TNR: variants seen among roughly 807,000 people sequenced by gnomAD.
TNR encodes the protein tenascin-R.
A neutral mutation model predicts 150.4 loss-of-function variants in TNR; 45 were observed. The observed-to-expected ratio is 0.30, with a 90% CI of 0.24 to 0.38. The LOEUF is 0.38. Ranked by LOEUF, TNR falls within the 10% of genes least tolerant of loss-of-function variation. The pLI, the probability that TNR is intolerant of heterozygous loss-of-function variation, is 1.00. For missense variants in TNR, 1,544 were observed against 1,759.1 expected (o/e 0.88, Z 2.19); for synonymous variants, 687 against 678.4 (o/e 1.01, Z -0.20).
chr1:175,446,460 A>G (rs1458382173), intron 2 of TNR, among the ~76,000 whole-genome samples: 1 of 152,198 alleles, frequency 6.6e-6, no homozygotes, highest in Non-Finnish European at 1.5e-5. Flanking sequence ...TATGGGTGAC[A>G]TAGTCTAATT....
At chr1:175,614,494 G>A (rs951762347) in intron 1 of TNR, among the ~76,000 whole-genome samples, 3 of 152,158 alleles carry the variant, frequency 2.0e-5, no homozygotes, top group African/African-American at 7.2e-5. Flanking sequence ...CCACCTTCTT[G>A]GCAGAATGTC....
At chr1:175,640,386 AT>A (rs904411650) in intron 1 of TNR, among the ~76,000 whole-genome samples, 2 of 152,190 alleles carry the variant, frequency 1.3e-5, no homozygotes, top group Admixed American at 1.3e-4. Flanking sequence ...GGGAGGGAGA[AT>A]TTAAAGGTGT....
chr1:175,477,029 T>C (rs1364474635), intron 2 of TNR, among the ~76,000 whole-genome samples: 2 of 152,176 alleles, frequency 1.3e-5, no homozygotes, highest in Non-Finnish European at 2.9e-5. Context: ...ACCAAAAGAA[T>C]GGCTCTTAAA....
In TNR at chr1:175,337,515, A is replaced by T; in HGVS notation, c.3534+13T>A. The T allele has an allele frequency of 1.2e-6, 2 of 1,612,566 alleles. No individual in the cohort carries two copies. Among genetic ancestry groups the T allele is most frequent in the Non-Finnish European group, 1.7e-6 (2 of 1,179,984 alleles). ...GGACGCTTCTGTGCAAGGAGAGCAC[A>T]GATTGTACTTACAATCCAGCCGCCC... On this transcript the variant is annotated intron_variant, in intron 19 of 22. Coordinates refer to ENST00000367674, the MANE Select transcript of TNR (RefSeq NM_003285.3).
chr1:175,473,158 C>A (rs910306292), intron 2 of TNR, among the ~76,000 whole-genome samples: 1 of 152,192 alleles, frequency 6.6e-6, no homozygotes, highest in South Asian at 2.1e-4. Flanking sequence ...GATTGTCTAA[C>A]TGATGTCTGA....
chr1:175,734,194 G>A (rs916098475), intron 1 of TNR, among the ~76,000 whole-genome samples: 1 of 152,182 alleles, frequency 6.6e-6, no homozygotes, highest in Non-Finnish European at 1.5e-5. Flanking sequence ...GCAACCTTGT[G>A]CCCCTGATCT....
At chr1:175,466,570 T>C (rs1027665411) in intron 2 of TNR, among the ~76,000 whole-genome samples, 4 of 152,220 alleles carry the variant, frequency 2.6e-5, no homozygotes, top group African/African-American at 9.6e-5. Context: ...CTGCCATCGA[T>C]GGCCACATTT....
At chr1:175,491,210 G>A (rs1228415084) in intron 2 of TNR, among the ~76,000 whole-genome samples, 1 of 152,106 alleles carries the variant, frequency 6.6e-6, no homozygotes, top group South Asian at 2.1e-4. Flanking sequence ...ACACACTGGG[G>A]CCTGTCAGAG....
At chr1:175,359,139 C>CTTTATTTTTTTTTTTTTTTTTTTTTT (rs1651468052) in intron 15 of TNR, among the ~76,000 whole-genome samples, 1 of 42,138 alleles carries the variant, frequency 2.4e-5, no homozygotes, top group Non-Finnish European at 4.3e-5. Context: ...GGGATATCTT[C>CTTTATTTTTTTTTTTTTTTTTTTTTT]TTTTTTTTTT....
At chr1:175,334,018 A>G (rs570191977) in intron 20 of TNR, among the ~76,000 whole-genome samples, 1 of 152,302 alleles carries the variant, frequency 6.6e-6, no homozygotes, top group East Asian at 1.9e-4. Context: ...AGGAGTCTTC[A>G]GAGGCTGGTG....
At chr1:175,651,072 T>C (rs78743601) in intron 1 of TNR, among the ~76,000 whole-genome samples, 2 of 4,278 alleles carry the variant, frequency 4.7e-4, no homozygotes, top group Non-Finnish European at 8.7e-4. Context: ...CCCCTCCCCA[T>C]CTCATTACTC....
At chr1:175,688,328 TAAG>T (rs1304616685) in intron 1 of TNR, among the ~76,000 whole-genome samples, 1 of 152,210 alleles carries the variant, frequency 6.6e-6, no homozygotes, top group Non-Finnish European at 1.5e-5. Flanking sequence ...AGCCCTGACT[TAAG>T]AAGAGGCCGG....
chr1:175,456,421 A>G (rs1225295062), intron 2 of TNR, among the ~76,000 whole-genome samples: 1 of 152,228 alleles, frequency 6.6e-6, no homozygotes, highest in Non-Finnish European at 1.5e-5. Context: ...TCCCGTCACT[A>G]CAATGCAAGT....
chr1:175,687,599 C>A (rs112038189), intron 1 of TNR, among the ~76,000 whole-genome samples: 1 of 152,112 alleles, frequency 6.6e-6, no homozygotes, highest in Non-Finnish European at 1.5e-5. Context: ...TAGTTAACCC[C>A]GAAATGAAGA....
intron 1 of TNR, among the ~76,000 whole-genome samples, chr1:175,537,903 T>C (rs1261835454): frequency 6.6e-6 from 1 of 152,122 alleles, no homozygotes; most frequent in Non-Finnish European, 1.5e-5. Flanking sequence ...GCGGTTCCAG[T>C]CAAACAGGAA....
intron 2 of TNR, among the ~76,000 whole-genome samples, chr1:175,426,780 A>G (rs1286537966): frequency 6.9e-6 from 1 of 144,336 alleles, no homozygotes; most frequent in Admixed American, 7.2e-5. Flanking sequence ...AAATATATAT[A>G]CAGGTGTGTG....
intron 1 of TNR, among the ~76,000 whole-genome samples, chr1:175,577,484 G>A (rs984459263): frequency 1.3e-5 from 2 of 152,050 alleles, no homozygotes; most frequent in East Asian, 1.9e-4. Flanking sequence ...TGATTTATCT[G>A]AGGCCACACT....
chr1:175,491,780 G>A (rs997597586), intron 2 of TNR, among the ~76,000 whole-genome samples: 7 of 151,516 alleles, frequency 4.6e-5, no homozygotes, highest in South Asian at 2.1e-4. Context: ...CTCCTGAGTC[G>A]CTGGGACTAT....
At chr1:175,658,985 A>G (rs1489423789) in intron 1 of TNR, among the ~76,000 whole-genome samples, 2 of 152,192 alleles carry the variant, frequency 1.3e-5, no homozygotes, top group Non-Finnish European at 2.9e-5. Context: ...GGGATTCTCA[A>G]ACTAAGCACT....
Sources: allele counts gnomAD v4.1 joint callset (sites outside exome capture counted in the v4.1 genomes callset), GRCh38; gene constraint gnomAD v4.1.1; transcripts MANE v1.5; gene names NCBI Gene and HGNC (gene_info 2026-07-23, HGNC 2026-07-21).